ADAMTS12: variants seen among roughly 807,000 people sequenced by gnomAD.
ADAMTS12 encodes the protein A disintegrin and metalloproteinase with thrombospondin motifs 12.
ADAMTS12 carries 118 observed loss-of-function variants against 167.8 expected under a neutral mutation model. The ratio of observed to expected loss-of-function variants is 0.70; its 90% CI spans 0.61 to 0.82. ADAMTS12 has a LOEUF of 0.82. Among genes scored for constraint, ADAMTS12 ranks in the 40% least tolerant of loss-of-function variants. The probability of loss-of-function intolerance (pLI) is 0.00; values close to 1 mark genes in which losing one functional copy is unlikely to be tolerated. For missense variants in ADAMTS12, 1,916 were observed against 1,998.8 expected (o/e 0.96, Z 0.79); for synonymous variants, 704 against 716.9 (o/e 0.98, Z 0.29).
At chr5:33,808,999 C>T (rs1175574499) in intron 2 of ADAMTS12, among the ~76,000 whole-genome samples, 1 of 152,140 alleles carries the variant, frequency 6.6e-6, no homozygotes, top group Non-Finnish European at 1.5e-5. Context: ...CCACATTTAT[C>T]CATTTCTTTG....
At chr5:33,628,764 T>C (rs1421917855) in intron 13 of ADAMTS12, among the ~76,000 whole-genome samples, 6 of 152,192 alleles carry the variant, frequency 3.9e-5, no homozygotes, top group Non-Finnish European at 4.4e-5. Context: ...TCCTTGAAGA[T>C]AAAGTATTTA....
chr5:33,728,218 AC>A (rs1744055685), intron 3 of ADAMTS12, among the ~76,000 whole-genome samples: 1 of 152,236 alleles, frequency 6.6e-6, no homozygotes, highest in South Asian at 2.1e-4. Context: ...AGGCAGAAGG[AC>A]ATTATCCCAC....
intron 3 of ADAMTS12, among the ~76,000 whole-genome samples, chr5:33,688,404 GCGTTGTCTGAGGTGCTCAGGATACCTGAC>G: frequency 1.1e-5 from 1 of 92,268 alleles, no homozygotes. Flanking sequence ...TGTCTGTCCA[GCGTTGTCTGAGGTGCTCAGGATACCTGAC>G]CACTAACAGA....
intron 5 of ADAMTS12, among the ~76,000 whole-genome samples, chr5:33,671,454 A>T (rs1022035407): frequency 6.6e-6 from 1 of 152,192 alleles, no homozygotes; most frequent in African/African-American, 2.4e-5. Flanking sequence ...ATTTCTCTGT[A>T]CTATTTCTTA....
At chr5:33,889,377 C>T (rs565057761) in intron 1 of ADAMTS12, among the ~76,000 whole-genome samples, 1 of 152,172 alleles carries the variant, frequency 6.6e-6, no homozygotes, top group South Asian at 2.1e-4. Context: ...TGAATGCATT[C>T]AAAAATGCTA....
At chr5:33,593,947 T>C (rs1747776095) in intron 17 of ADAMTS12, among the ~76,000 whole-genome samples, 1 of 152,224 alleles carries the variant, frequency 6.6e-6, no homozygotes, top group Admixed American at 6.5e-5. Context: ...CTCAGAGTAA[T>C]ACCCATACCC....
At chr5:33,849,779 A>G (rs1176320484) in intron 2 of ADAMTS12, among the ~76,000 whole-genome samples, 1 of 150,078 alleles carries the variant, frequency 6.7e-6, no homozygotes, top group African/African-American at 2.4e-5. Flanking sequence ...TTGCATAGCA[A>G]TATATAGTAT....
rs765187247 is a variant in ADAMTS12 at position 33,751,292 on chromosome 5, A to AT, written c.634+111_634+112insA. The stretch of plus-strand genomic sequence containing the variant: ...GAATGTCATGAAGATATTAAAAAAA[A>AT]AAGAATACAGAGGAGATAAGAGACT... On this transcript the variant is annotated intron_variant, in intron 3 of 23. Coordinates refer to ENST00000504830, the MANE Select transcript of ADAMTS12 (RefSeq NM_030955.4). 9 of 1,354,534 alleles carry AT rather than the reference A, an allele frequency of 6.6e-6. No individual in the cohort carries two copies. In the South Asian group the frequency reaches 1.0e-4, roughly 16 times the overall value. The allele number at this position is 1,354,534 out of a possible 1,614,324, so 83.9% of individuals were successfully genotyped here.
At chr5:33,684,689 A>G (rs896281445) in intron 3 of ADAMTS12, among the ~76,000 whole-genome samples, 21 of 152,230 alleles carry the variant, frequency 1.4e-4, no homozygotes, top group Admixed American at 1.2e-3. Context: ...AGGCACAAAA[A>G]GAGGTGGAAA....
At chr5:33,586,022 T>G (rs1747329782) in intron 18 of ADAMTS12, among the ~76,000 whole-genome samples, 1 of 152,184 alleles carries the variant, frequency 6.6e-6, no homozygotes. Flanking sequence ...AGGCTGTCAG[T>G]TCTTGGGCCT....
intron 2 of ADAMTS12, among the ~76,000 whole-genome samples, chr5:33,832,985 T>C (rs909855581): frequency 2.6e-5 from 4 of 152,234 alleles, no homozygotes; most frequent in African/African-American, 9.6e-5. Context: ...CTTGTTCACA[T>C]AGATTCCAGG....
intron 5 of ADAMTS12, among the ~76,000 whole-genome samples, chr5:33,679,907 C>T (rs772424532): frequency 6.6e-6 from 1 of 152,188 alleles, no homozygotes; most frequent in African/African-American, 2.4e-5. Flanking sequence ...TCAAAGGAGT[C>T]ACAGCACTGA....
chr5:33,682,958 A>G, intron 5 of ADAMTS12, 60 bp downstream of exon 5: 1 of 1,460,340 alleles, frequency 6.8e-7, no homozygotes, highest in Non-Finnish European at 9.5e-7. Context: ...ACTCCCCTGA[A>G]AAAAAGAAGG....
At chr5:33,637,380 G>A (rs1740244017) in intron 12 of ADAMTS12, among the ~76,000 whole-genome samples, 197 bp downstream of exon 12, 1 of 152,168 alleles carries the variant, frequency 6.6e-6, no homozygotes. Flanking sequence ...AGCTCAGACA[G>A]AGTTGAATGT....
At chr5:33,748,563 A>T (rs968955693) in intron 3 of ADAMTS12, among the ~76,000 whole-genome samples, 5 of 152,198 alleles carry the variant, frequency 3.3e-5, no homozygotes, top group African/African-American at 1.2e-4. Flanking sequence ...GTGAAAGGAC[A>T]GATTTTAGGA....
intron 2 of ADAMTS12, among the ~76,000 whole-genome samples, chr5:33,797,224 C>A (rs1746809018): frequency 6.6e-6 from 1 of 152,172 alleles, no homozygotes; most frequent in East Asian, 1.9e-4. Context: ...TTCACTTTTA[C>A]AGACCTTGAG....
intron 2 of ADAMTS12, among the ~76,000 whole-genome samples, chr5:33,859,096 C>A (rs1749511696): frequency 1.3e-5 from 2 of 152,308 alleles, no homozygotes; most frequent in East Asian, 3.9e-4. Flanking sequence ...TTTGGGCAGA[C>A]ACTGAGCTCA....
intron 2 of ADAMTS12, among the ~76,000 whole-genome samples, chr5:33,823,994 C>A (rs150880656): frequency 1.3e-5 from 2 of 152,204 alleles, no homozygotes; most frequent in African/African-American, 2.4e-5. Flanking sequence ...TGAATATATA[C>A]AATTTTTACT....
intron 21 of ADAMTS12, 137 bp downstream of exon 21, chr5:33,549,070 T>A (rs1198553312): frequency 9.3e-7 from 1 of 1,079,560 alleles, no homozygotes; most frequent in African/African-American, 1.6e-5. Context: ...ACATACAGGG[T>A]GGGGTCACTG....
Sources: allele counts gnomAD v4.1 joint callset (sites outside exome capture counted in the v4.1 genomes callset), GRCh38; gene constraint gnomAD v4.1.1; transcripts MANE v1.5; gene names NCBI Gene and HGNC (gene_info 2026-07-23, HGNC 2026-07-21).